The following KIAA1328 variants were observed in gnomAD, a reference collection of about 807,000 sequenced individuals.
KIAA1328 encodes KIAA1328.
KIAA1328 carries 52 observed loss-of-function variants against 68.1 expected under a neutral mutation model. That is an observed-to-expected ratio of 0.76 (90% CI 0.61 to 0.96). The LOEUF is 0.96. Ranked by LOEUF, KIAA1328 falls within the 40% of genes least tolerant of loss-of-function variation. The probability of loss-of-function intolerance (pLI) is 0.00; values close to 1 mark genes in which losing one functional copy is unlikely to be tolerated. For missense variants in KIAA1328, 641 were observed against 677.6 expected, an observed-to-expected ratio of 0.95 and a Z score of 0.60; for synonymous variants, 232 against 239.4, an observed-to-expected ratio of 0.97 and a Z score of 0.28.
intron 5 of KIAA1328, among the ~76,000 whole-genome samples, chr18:36,898,672 T>A (rs2048940279): frequency 6.6e-6 from 1 of 151,958 alleles, no homozygotes; most frequent in African/African-American, 2.4e-5. Context: ...ACGCCGCAGA[T>A]TATAGGGAGC....
At chr18:37,133,652 A>G (rs2058577581) in intron 7 of KIAA1328, among the ~76,000 whole-genome samples, 1 of 150,230 alleles carries the variant, frequency 6.7e-6, no homozygotes, top group Non-Finnish European at 1.5e-5. Flanking sequence ...CAGCCTCCTG[A>G]GCAGCTGGAA....
chr18:37,205,289 C>T (rs780392824), intron 9 of KIAA1328, among the ~76,000 whole-genome samples: 6 of 152,080 alleles, frequency 3.9e-5, no homozygotes, highest in South Asian at 2.1e-4. Context: ...CAAAAGCTGC[C>T]GTGGGGATAG....
At chr18:37,156,365 G>T (rs1163051758) in intron 7 of KIAA1328, among the ~76,000 whole-genome samples, 4 of 145,654 alleles carry the variant, frequency 2.7e-5, no homozygotes, top group African/African-American at 1.0e-4. Flanking sequence ...GGCAGAGGTT[G>T]TGGTGAGCCG....
intron 6 of KIAA1328, among the ~76,000 whole-genome samples, chr18:37,041,651 T>G (rs1039311978): frequency 2.9e-5 from 4 of 136,296 alleles, no homozygotes; most frequent in African/African-American, 1.4e-4. Flanking sequence ...TGTGTGTGTG[T>G]GTGTGTGTGT....
chr18:36,847,868 T>G (rs941967852), intron 4 of KIAA1328, among the ~76,000 whole-genome samples: 5 of 151,690 alleles, frequency 3.3e-5, no homozygotes, highest in African/African-American at 1.2e-4. Context: ...CAGAATTACC[T>G]TAGCCTCCTT....
intron 6 of KIAA1328, among the ~76,000 whole-genome samples, chr18:37,024,559 G>C (rs2054488370): frequency 7.0e-6 from 1 of 143,678 alleles, no homozygotes; most frequent in Non-Finnish European, 1.5e-5. Flanking sequence ...CCCGGTGTGT[G>C]ATGTTCCCCT....
At chr18:36,855,428 CTTG>C (rs2047351346) in intron 4 of KIAA1328, among the ~76,000 whole-genome samples, 1 of 152,000 alleles carries the variant, frequency 6.6e-6, no homozygotes, top group African/African-American at 2.4e-5. Context: ...TTTTCATGTG[CTTG>C]TTGTCCATTT....
At chr18:37,106,712 T>TA (rs1265701750) in intron 7 of KIAA1328, among the ~76,000 whole-genome samples, 1 of 152,208 alleles carries the variant, frequency 6.6e-6, no homozygotes, top group Non-Finnish European at 1.5e-5. Context: ...GCACCTGGCC[T>TA]AAAAATCACT....
At chr18:37,151,468 A>G (rs55731927) in intron 7 of KIAA1328, among the ~76,000 whole-genome samples, 20,311 of 152,224 alleles carry the variant, frequency 0.13, 1,736 homozygotes, top group Non-Finnish European at 0.18. Context: ...AATAGCAGTG[A>G]CAGTCTTTGT....
chr18:36,948,860 A>C (rs889754657), intron 5 of KIAA1328, among the ~76,000 whole-genome samples: 1 of 152,270 alleles, frequency 6.6e-6, no homozygotes, highest in East Asian at 1.9e-4. Flanking sequence ...TTTTTTAAAG[A>C]GCTTTCAGTC....
chr18:37,145,626 G>A (rs2058880217), intron 7 of KIAA1328, among the ~76,000 whole-genome samples: 1 of 152,010 alleles, frequency 6.6e-6, no homozygotes, highest in Non-Finnish European at 1.5e-5. Context: ...CATGTATTTT[G>A]AAGCATTGTT....
intron 5 of KIAA1328, among the ~76,000 whole-genome samples, chr18:36,893,465 T>TTGTGTGTGTG (rs141803952): frequency 6.1e-4 from 74 of 120,650 alleles, no homozygotes; most frequent in East Asian, 1.8e-3. Context: ...GTGTGTGTTT[T>TTGTGTGTGTG]TGTGTGTGTG....
intron 6 of KIAA1328, among the ~76,000 whole-genome samples, chr18:36,992,372 A>G (rs2053213788): frequency 6.6e-6 from 1 of 151,580 alleles, no homozygotes; most frequent in Non-Finnish European, 1.5e-5. Flanking sequence ...TCTATCTTTT[A>G]CATGTAGGTT....
At chr18:36,851,598 G>C (rs1175832312) in intron 4 of KIAA1328, among the ~76,000 whole-genome samples, 1 of 144,498 alleles carries the variant, frequency 6.9e-6, no homozygotes, top group Non-Finnish European at 1.5e-5. Flanking sequence ...ACATACAATT[G>C]TTCATAGTAT....
chr18:37,214,575 A>G (rs1236329785), intron 9 of KIAA1328, among the ~76,000 whole-genome samples: 1 of 152,194 alleles, frequency 6.6e-6, no homozygotes, highest in Admixed American at 6.5e-5. Flanking sequence ...GTTTGAAGTC[A>G]GGTATCGTGA....
intron 8 of KIAA1328, among the ~76,000 whole-genome samples, chr18:37,171,314 G>A (rs2059494906): frequency 6.6e-6 from 1 of 151,824 alleles, no homozygotes; most frequent in East Asian, 1.9e-4. Flanking sequence ...TGGGCTCAAG[G>A]GATCCTCCTG....
intron 9 of KIAA1328, among the ~76,000 whole-genome samples, chr18:37,199,395 G>A (rs573514481): frequency 6.6e-6 from 1 of 152,266 alleles, no homozygotes; most frequent in Non-Finnish European, 1.5e-5. Flanking sequence ...ATGGCCTCCA[G>A]CTTCATCCAT....
chr18:37,019,092 A>T (rs1458081869), intron 6 of KIAA1328, among the ~76,000 whole-genome samples: 1 of 151,628 alleles, frequency 6.6e-6, no homozygotes, highest in Non-Finnish European at 1.5e-5. Flanking sequence ...TGCAGGCAGG[A>T]TATTTTCTTT....
intron 7 of KIAA1328, among the ~76,000 whole-genome samples, chr18:37,104,281 A>G (rs948944358): frequency 8.5e-5 from 13 of 152,328 alleles, no homozygotes; most frequent in Admixed American, 8.5e-4. Flanking sequence ...CCATCATCAT[A>G]TGAATGGATA....
Sources: allele counts gnomAD v4.1 joint callset (sites outside exome capture counted in the v4.1 genomes callset), GRCh38; gene constraint gnomAD v4.1.1; transcripts MANE v1.5; gene names NCBI Gene and HGNC (gene_info 2026-07-23, HGNC 2026-07-21).